The following ANAPC4 variants were observed in gnomAD, a reference collection of about 807,000 sequenced individuals.
ANAPC4 encodes the protein anaphase-promoting complex subunit 4.
In ANAPC4, 63 loss-of-function variants were observed where a neutral mutation model predicts 119.8. The ratio of observed to expected loss-of-function variants is 0.53; its 90% confidence interval spans 0.43 to 0.65. The LOEUF (loss-of-function observed/expected upper bound fraction) is 0.65, where lower values mean the gene tolerates loss of function less well. ANAPC4 is among the 30% of genes least tolerant of loss of function. The probability of loss-of-function intolerance (pLI) is 0.00; values close to 1 mark genes in which losing one functional copy is unlikely to be tolerated. For missense variants in ANAPC4, 716 were observed against 945.1 expected (o/e 0.76, Z 3.18); for synonymous variants, 283 against 318.6 (o/e 0.89, Z 1.19).
intron 10 of ANAPC4, among the ~76,000 whole-genome samples, chr4:25,392,963 G>A (rs1722435200): frequency 6.6e-6 from 1 of 152,204 alleles, no homozygotes; most frequent in Admixed American, 6.5e-5. Context: ...GAGGGTGCAA[G>A]TGGAAGTGTA....
intron 3 of ANAPC4, among the ~76,000 whole-genome samples, chr4:25,382,892 A>C (rs898752602): frequency 6.6e-6 from 1 of 152,240 alleles, no homozygotes. Context: ...AGCAGATGGA[A>C]TCATTGCTTA....
chr4:25,415,367 A>AT lies in ANAPC4; in HGVS notation c.1827-98dup, dbSNP rs1723800924. The AT allele has an allele frequency of 5.7e-6, 5 of 884,570 alleles. No homozygotes were observed. The South Asian group carries it at 8.6e-5, about 15-fold the overall frequency. The allele number at this position is 884,570 out of a possible 1,614,324, so 54.8% of individuals were successfully genotyped here. On this transcript the variant is annotated intron_variant, in intron 25 of 28. Transcript: ENST00000315368. ...AGTTCTCAGTGTTCTAAAGAAGTAC[A>AT]TGTACTGACCCTGACAATCATGTTC...
intron 3 of ANAPC4, among the ~76,000 whole-genome samples, chr4:25,382,404 G>A (rs1721783586): frequency 6.6e-6 from 1 of 152,176 alleles, no homozygotes; most frequent in Non-Finnish European, 1.5e-5. Flanking sequence ...TTTGCTTGGA[G>A]TATATGTAGA....
Position 25,394,310 on chromosome 4 carries a change from G to T in ANAPC4, c.877G>T (p.Glu293Ter). The T allele has an allele frequency of 6.3e-7, 1 of 1,577,918 alleles. No individual in the cohort carries two copies. Among genetic ancestry groups the T allele is most frequent in the Admixed American group, 2.1e-5 (1 of 48,440 alleles). The change falls in exon 12 of 29, where the codon GAA becomes TAA. Residue 293 changes from glutamate to a stop codon, truncating the protein, a stop_gained and splice_region_variant. Transcript: ENST00000315368. LOFTEE classifies it high-confidence loss of function. ...CAATTTTTTTTTCACTTTTTTCCAG[G>T]AAAAGAACACAACCACATCAGTGCA... ...MDSRLTKFVQEKNTTTSVQDE... is the reference protein window; with the variant it reads ...MDSRLTKFVQ
chr4:25,402,033 G>A lies in ANAPC4; in HGVS notation c.1215-938G>A, dbSNP rs183243851. On this transcript the variant is annotated intron_variant, in intron 16 of 28. Coordinates refer to ENST00000315368, the MANE Select transcript of ANAPC4 (RefSeq NM_013367.3). ...ACAGGTTCCAGATGGAGAAACTGAGGCATTGAGCATTTTGATGTTGGTCTG... is the reference window on the plus strand; with the variant it reads ...ACAGGTTCCAGATGGAGAAACTGAGACATTGAGCATTTTGATGTTGGTCTG... 6.2e-4 allele frequency among the ~76,000 whole-genome samples: 95 copies of A among 152,328 alleles called. 1 individual carries two copies. The highest frequency in any genetic ancestry group is 2.2e-3 in the African/African-American group (91 of 41,586).
intron 9 of ANAPC4, among the ~76,000 whole-genome samples, chr4:25,391,541 C>T (rs569394777): frequency 6.6e-6 from 1 of 152,300 alleles, no homozygotes; most frequent in African/African-American, 2.4e-5. Context: ...TTAACTAGCA[C>T]ATTGCATCTT....
At chr4:25,406,564 A>G (rs1054152095) in intron 18 of ANAPC4, among the ~76,000 whole-genome samples, 2 of 152,222 alleles carry the variant, frequency 1.3e-5, no homozygotes, top group Non-Finnish European at 2.9e-5. Context: ...GCCTGAAATA[A>G]TAAACAACCT....
chr4:25,407,911 GA>G (rs1324712848), intron 20 of ANAPC4, among the ~76,000 whole-genome samples: 2 of 150,626 alleles, frequency 1.3e-5, no homozygotes, highest in Admixed American at 1.3e-4. Context: ...AAAAGAAGAA[GA>G]AAAAAAAGAA....
At chr4:25,383,031 T>C (rs960691803) in intron 3 of ANAPC4, among the ~76,000 whole-genome samples, 2 of 152,106 alleles carry the variant, frequency 1.3e-5, no homozygotes, top group Admixed American at 6.5e-5. Context: ...CGTGAGAAAG[T>C]AGTAGATCTC....
chr4:25,413,654 T>C lies in ANAPC4; in HGVS notation c.1535T>C (p.Leu512Ser), dbSNP rs1175694524. ...TTTTGTTTGAAACCAGAAAGTCCTT[T>C]GCTGTTTCCTTATTATCCTCGAAAA... ...QNSSHLKESP[L>S]LFPYYPRKSL... Residue 512 changes from leucine (L) to serine (S), a missense_variant, in exon 22 of 29, where the codon TTG (leucine) becomes TCG (serine). Leu to Ser is a moderately radical substitution (Grantham distance 145). This residue lies in a region of ANAPC4 where 504 missense variants were observed against 615.8 expected (regional missense o/e 0.82). Transcript: ENST00000315368. The C allele has an allele frequency of 6.2e-7, 1 of 1,612,310 alleles. No individual in the cohort carries two copies. The highest frequency in any genetic ancestry group is 8.5e-7 in the Non-Finnish European group (1 of 1,179,282).
intron 18 of ANAPC4, among the ~76,000 whole-genome samples, chr4:25,406,584 A>G (rs1723262165): frequency 6.6e-6 from 1 of 152,194 alleles, no homozygotes; most frequent in Non-Finnish European, 1.5e-5. Context: ...TTAGGCCATA[A>G]AGAGTTCTGT....
rs548853500 is a variant in ANAPC4 at position 25,377,878 on chromosome 4, T to A, written c.129+322T>A. On this transcript the variant is annotated intron_variant, in intron 2 of 28. Coordinates refer to ENST00000315368, the MANE Select transcript of ANAPC4 (RefSeq NM_013367.3). ...TGGTTTATTAGTTAAATGAACTTTT[T>A]AAAAAAGCCCACTATGTGCTGCTCA... Among the ~76,000 whole-genome samples the A allele has an allele frequency of 1.2e-3, 176 of 152,368 alleles. 1 individual carries two copies. The highest frequency in any genetic ancestry group is 4.1e-3 in the African/African-American group (170 of 41,588).
At chr4:25,380,078 G>A (rs184664138) in intron 2 of ANAPC4, among the ~76,000 whole-genome samples, 18 of 152,302 alleles carry the variant, frequency 1.2e-4, no homozygotes, top group South Asian at 2.1e-4. Flanking sequence ...TTTTAGTGGT[G>A]TTTGTGTTCT....
intron 4 of ANAPC4, among the ~76,000 whole-genome samples, chr4:25,386,214 T>C (rs1722027017): frequency 6.6e-6 from 1 of 151,732 alleles, no homozygotes; most frequent in African/African-American, 2.4e-5. Context: ...CGCCTGGCCT[T>C]ATTTATTTAT....
At chr4:25,413,830 G>A in intron 22 of ANAPC4, 88 bp downstream of exon 22, 1 of 1,032,972 alleles carries the variant, frequency 9.7e-7, no homozygotes, top group Non-Finnish European at 1.4e-6. Flanking sequence ...TTAATTTTTA[G>A]AATGAACTAT....
chr4:25,407,857 TG>T (rs1392291783), intron 20 of ANAPC4, among the ~76,000 whole-genome samples: 1 of 151,958 alleles, frequency 6.6e-6, no homozygotes, highest in Non-Finnish European at 1.5e-5. Flanking sequence ...ATTGCATCAC[TG>T]CACTCCAGCC....
At chr4:25,407,099 C>T (rs1723293942) in intron 19 of ANAPC4, 98 bp from the exon 20 acceptor site, 3 of 1,061,948 alleles carry the variant, frequency 2.8e-6, no homozygotes, top group South Asian at 3.0e-5. Context: ...ATAACTGCCA[C>T]TCACAGCTCT....
chr4:25,377,644 C>T (rs1023604626), intron 2 of ANAPC4, 88 bp downstream of exon 2: 5 of 1,499,832 alleles, frequency 3.3e-6, no homozygotes, highest in South Asian at 1.3e-5. Context: ...ATTCGGGCCA[C>T]AGGCGGCCGG....
At chr4:25,409,420 G>T (rs892256108) in intron 20 of ANAPC4, among the ~76,000 whole-genome samples, 1 of 152,104 alleles carries the variant, frequency 6.6e-6, no homozygotes, top group African/African-American at 2.4e-5. Flanking sequence ...TAATTTTTAA[G>T]ATAGTAGCTA....
Sources: gnomAD v4.1 joint callset for allele counts (sites outside exome capture counted in the v4.1 genomes callset) on GRCh38, gnomAD v4.1.1 for gene constraint, gnomAD v4.1.1 regional missense constraint, MANE v1.5 for transcripts, NCBI Gene and HGNC (gene_info 2026-07-23, HGNC 2026-07-21) for gene names.